The following B3GALT5 variants were observed in gnomAD, a reference collection of about 807,000 sequenced individuals.
B3GALT5 encodes UDP-Gal:betaGlcNAc beta 1,3-galactosyltransferase, polypeptide 5.
For synonymous variants in B3GALT5, 156 were observed against 158.6 expected (o/e 0.98, Z 0.12); for missense variants, 328 against 396.6 (o/e 0.83, Z 1.47).
chr21:39,633,562 C>T (rs965946046), intron 1 of B3GALT5, among the ~76,000 whole-genome samples: 3 of 152,210 alleles, frequency 2.0e-5, no homozygotes, highest in Admixed American at 1.3e-4. Flanking sequence ...ACTACAAAGA[C>T]ATCTCCTAAA....
chr21:39,654,661 C>G (rs981052231), intron 2 of B3GALT5, among the ~76,000 whole-genome samples: 4 of 152,182 alleles, frequency 2.6e-5, no homozygotes, highest in Non-Finnish European at 5.9e-5. Context: ...ATTGATGTGG[C>G]AAACTTCATT....
chr21:39,650,708 C>T (rs2079386619), intron 2 of B3GALT5, among the ~76,000 whole-genome samples: 1 of 152,062 alleles, frequency 6.6e-6, no homozygotes, highest in Non-Finnish European at 1.5e-5. Flanking sequence ...GTGGAACGTC[C>T]ACAGGATACT....
intron 1 of B3GALT5, among the ~76,000 whole-genome samples, chr21:39,640,667 A>G (rs893613329): frequency 2.6e-5 from 4 of 152,052 alleles, no homozygotes; most frequent in Admixed American, 6.6e-5. Flanking sequence ...AGTGGATTCC[A>G]TCAAGAAAGA....
chr21:39,639,909 A>G (rs567862061), intron 1 of B3GALT5, among the ~76,000 whole-genome samples: 1 of 152,152 alleles, frequency 6.6e-6, no homozygotes, highest in Non-Finnish European at 1.5e-5. Flanking sequence ...GAATGTCTAT[A>G]AAGGGCTAAA....
chr21:39,620,022 C>G (rs2123684077), intron 1 of B3GALT5, among the ~76,000 whole-genome samples: 1 of 152,198 alleles, frequency 6.6e-6, no homozygotes. Flanking sequence ...AGACAGTATT[C>G]ACTATGTTGG....
intron 1 of B3GALT5, among the ~76,000 whole-genome samples, chr21:39,641,599 T>G (rs1489988538): frequency 6.6e-6 from 1 of 152,238 alleles, no homozygotes; most frequent in Non-Finnish European, 1.5e-5. Context: ...TAGATTTTAC[T>G]AATTGTTTGC....
intron 1 of B3GALT5, among the ~76,000 whole-genome samples, chr21:39,641,199 C>G (rs2146200636): frequency 6.6e-6 from 1 of 152,322 alleles, no homozygotes; most frequent in Non-Finnish European, 1.5e-5. Flanking sequence ...TGCACTACTA[C>G]AAACATGATA....
chr21:39,622,005 A>G (rs951722179), intron 1 of B3GALT5, among the ~76,000 whole-genome samples: 1 of 152,006 alleles, frequency 6.6e-6, no homozygotes, highest in South Asian at 2.1e-4. Context: ...TGTATTCTAC[A>G]TATTTATTCT....
chr21:39,647,121 A>C (rs574244039), intron 2 of B3GALT5, among the ~76,000 whole-genome samples: 43 of 152,226 alleles, frequency 2.8e-4, no homozygotes, highest in Admixed American at 1.1e-3. Context: ...AACAAAAAAA[A>C]CCAAAAACTC....
intron 1 of B3GALT5, among the ~76,000 whole-genome samples, chr21:39,639,414 TTC>T (rs1176770540): frequency 0.052 from 5,315 of 101,948 alleles, 245 homozygotes; most frequent in Non-Finnish European, 0.073. Flanking sequence ...CTTTCTTTCT[TTC>T]TTTCTTTCTT....
chr21:39,621,107 A>C (rs1429900124), intron 1 of B3GALT5, among the ~76,000 whole-genome samples: 1 of 152,164 alleles, frequency 6.6e-6, no homozygotes, highest in Non-Finnish European at 1.5e-5. Context: ...TCTGAGAAAA[A>C]AAAGTGATAA....
At chr21:39,628,765 A>C (rs2079176879) in intron 1 of B3GALT5, among the ~76,000 whole-genome samples, 1 of 152,226 alleles carries the variant, frequency 6.6e-6, no homozygotes, top group African/African-American at 2.4e-5. Context: ...AAGTCTTTAG[A>C]ATGGTCTAGA....
chr21:39,658,941 A>G (rs549193132), intron 2 of B3GALT5, among the ~76,000 whole-genome samples: 135 of 152,378 alleles, frequency 8.9e-4, no homozygotes, highest in African/African-American at 3.0e-3. Flanking sequence ...TCTTTTGGCC[A>G]TCAAAATAAC....
rs80165070 is a variant in B3GALT5, at chr21:39,623,850, C to A, written c.-392+10783C>A. ...CTCATATTTTCAATTCTGGAAAATT[C>A]TCAGCTGATATGTCTTCACATATTT... On this transcript the variant is annotated intron_variant, in intron 1 of 3. Coordinates refer to ENST00000684187, the MANE Select transcript of B3GALT5 (RefSeq NM_001356336.2). 2.5e-4 allele frequency among the ~76,000 whole-genome samples: 38 copies of A among 152,324 alleles called. No homozygotes were observed. The East Asian group carries it at 6.0e-3, about 24-fold the overall frequency.
Position 39,643,404 on chromosome 21 carries a change from C to T in B3GALT5, c.-391-2988C>T, listed in dbSNP as rs541279050. Among the ~76,000 whole-genome samples, 7 of 144,952 alleles carry T rather than the reference C, an allele frequency of 4.8e-5. No individual in the cohort carries two copies. The South Asian group carries it at 6.7e-4, about 14-fold the overall frequency. The stretch of plus-strand genomic sequence containing the variant: ...CTGCACTCCAGCCTGGGCAACAGAG[C>T]GAGACTCTAGCTCAAAAAAAAAAAA... On this transcript the variant is annotated intron_variant, in intron 1 of 3. Coordinates refer to ENST00000684187, the MANE Select transcript of B3GALT5 (RefSeq NM_001356336.2).
At position 39,667,921 on chromosome 21, in the gene B3GALT5, A is replaced by G. The variant is rs1429028643; in HGVS notation, c.*6429A>G. On this transcript the variant is annotated 3_prime_UTR_variant, in exon 4 of 4. Coordinates refer to ENST00000684187, the MANE Select transcript of B3GALT5 (RefSeq NM_001356336.2). ...CAGGTGGTCATTCTCTCTGCACCTC[A>G]GTCTCTGCATCTCTATAAAATGGGA... The G allele has an allele frequency of 6.6e-6, 1 of 152,228 alleles. No homozygotes were observed. The highest frequency in any genetic ancestry group is 2.4e-5 in the African/African-American group (1 of 41,444). 9.4% of individuals were successfully genotyped at this position (152,228 alleles called of 1,614,324 possible).
intron 2 of B3GALT5, among the ~76,000 whole-genome samples, chr21:39,648,556 GGTTGTGCATTCTGGGGGACAA>G (rs953242534): frequency 5.9e-5 from 9 of 152,344 alleles, no homozygotes; most frequent in Admixed American, 1.3e-4. Flanking sequence ...ACTTCCCTCT[GGTTGTGCATTCTGGGGGACAA>G]GTTTGGCCCT....
intron 2 of B3GALT5, among the ~76,000 whole-genome samples, chr21:39,658,714 G>T (rs1313204561): frequency 1.3e-5 from 2 of 152,146 alleles, no homozygotes; most frequent in Admixed American, 6.5e-5. Context: ...CTGGTCTCCT[G>T]CTTGCCTTCT....
chr21:39,670,934 CAG>C lies in B3GALT5; in HGVS notation c.*9444_*9445del, dbSNP rs996383975. 1.1e-4 allele frequency: 17 copies of C among 152,334 alleles called. No individual in the cohort carries two copies. The highest frequency in any genetic ancestry group is 4.1e-4 in the African/African-American group (17 of 41,578). 9.4% of individuals were successfully genotyped at this position (152,334 alleles called of 1,614,324 possible). ...CTTAGTTTGTTTTGTGTTGCTGTAA[CAG>C]AATACCACAGACTGGGCGATTTATA... On this transcript the variant is annotated 3_prime_UTR_variant, in exon 4 of 4. Transcript: ENST00000684187.
Sources: gnomAD v4.1 joint callset for allele counts (sites outside exome capture counted in the v4.1 genomes callset) on GRCh38, gnomAD v4.1.1 for gene constraint, MANE v1.5 for transcripts, NCBI Gene and HGNC (gene_info 2026-07-23, HGNC 2026-07-21) for gene names.